The following RXFP1 variants were observed in gnomAD, a reference collection of about 807,000 sequenced individuals.
The protein encoded by RXFP1 is relaxin family peptide receptor 1, also known as relaxin receptor 1.
A neutral mutation model predicts 89.8 loss-of-function variants in RXFP1; 73 were observed. That is an observed-to-expected ratio of 0.81 (90% CI 0.67 to 0.99). RXFP1 has a LOEUF of 0.99. Ranked by LOEUF, RXFP1 falls within the 50% of genes least tolerant of loss-of-function variation. RXFP1 has a pLI of 0.00. For missense variants in RXFP1, 793 were observed against 895.5 expected, an observed-to-expected ratio of 0.89 and a Z score of 1.46; for synonymous variants, 277 against 305.5, an observed-to-expected ratio of 0.91 and a Z score of 0.97.
At chr4:158,548,069 T>G (rs1380305692) in intron 1 of RXFP1, among the ~76,000 whole-genome samples, 1 of 152,194 alleles carries the variant, frequency 6.6e-6, no homozygotes, top group Non-Finnish European at 1.5e-5. Flanking sequence ...CTCCCATTAT[T>G]ATTATGTGGG....
intron 14 of RXFP1, among the ~76,000 whole-genome samples, chr4:158,642,533 A>T (rs1371081604): frequency 1.3e-5 from 2 of 152,192 alleles, no homozygotes; most frequent in African/African-American, 4.8e-5. Context: ...ATATGAGAAC[A>T]TGAGGTGTTT....
intron 1 of RXFP1, among the ~76,000 whole-genome samples, chr4:158,542,083 A>G (rs866388668): frequency 4.8e-3 from 85 of 17,862 alleles, no homozygotes; most frequent in Non-Finnish European, 9.5e-3. Context: ...CCATGGCTAT[A>G]TATATATATA....
chr4:158,633,834 T>C (rs1768586893), intron 12 of RXFP1, among the ~76,000 whole-genome samples: 1 of 152,254 alleles, frequency 6.6e-6, no homozygotes, highest in Non-Finnish European at 1.5e-5. Flanking sequence ...TGTCTTCAAG[T>C]TTCATTTCTG....
intron 1 of RXFP1, among the ~76,000 whole-genome samples, chr4:158,536,712 A>G (rs1019748491): frequency 2.0e-4 from 31 of 152,200 alleles, no homozygotes; most frequent in Non-Finnish European, 8.8e-5. Flanking sequence ...CAGGTCATGG[A>G]AAATTATAGT....
At chr4:158,576,091 A>T (rs1192269226) in intron 2 of RXFP1, among the ~76,000 whole-genome samples, 9 of 152,228 alleles carry the variant, frequency 5.9e-5, no homozygotes, top group Non-Finnish European at 1.3e-4. Context: ...GATATCTGGG[A>T]AAGATCATAA....
At chr4:158,567,990 A>G (rs1167842467) in intron 1 of RXFP1, among the ~76,000 whole-genome samples, 6 of 152,098 alleles carry the variant, frequency 3.9e-5, no homozygotes, top group Non-Finnish European at 4.4e-5. Context: ...GAGATGTAAC[A>G]CTCACCTCTA....
At chr4:158,535,595 C>T (rs1745099067) in intron 1 of RXFP1, among the ~76,000 whole-genome samples, 1 of 152,218 alleles carries the variant, frequency 6.6e-6, no homozygotes, top group Non-Finnish European at 1.5e-5. Context: ...GCACTTGAGT[C>T]ACTGGAAAGA....
intron 2 of RXFP1, among the ~76,000 whole-genome samples, chr4:158,591,982 GC>G (rs1759572187): frequency 6.6e-6 from 1 of 152,188 alleles, no homozygotes; most frequent in Middle Eastern, 3.4e-3. Context: ...CAGAGAAACT[GC>G]TTCTTCATCC....
At chr4:158,549,395 A>G (rs1028857018) in intron 1 of RXFP1, among the ~76,000 whole-genome samples, 2 of 151,880 alleles carry the variant, frequency 1.3e-5, no homozygotes, top group Non-Finnish European at 2.9e-5. Flanking sequence ...CATTGATTTG[A>G]ATTTCCTCCT....
At chr4:158,604,319 C>T (rs1762203116) in intron 4 of RXFP1, among the ~76,000 whole-genome samples, 1 of 152,120 alleles carries the variant, frequency 6.6e-6, no homozygotes, top group African/African-American at 2.4e-5. Context: ...CAAATCCCTC[C>T]TTTCACTGTT....
intron 1 of RXFP1, among the ~76,000 whole-genome samples, chr4:158,559,225 A>C (rs563125859): frequency 6.6e-6 from 1 of 152,288 alleles, no homozygotes; most frequent in South Asian, 2.1e-4. Context: ...AGGATTGCTT[A>C]AGGCCAGGAG....
chr4:158,521,969 A>G lies in RXFP1; in HGVS notation c.-8A>G. Reference sequence around the variant, plus strand: ...ACTTTCATTAATCAGTTGCTCAGATAGAAGGAAATGACATCTGGTTCTGTC... The same window carrying G: ...ACTTTCATTAATCAGTTGCTCAGATGGAAGGAAATGACATCTGGTTCTGTC... On this transcript the variant is annotated 5_prime_UTR_variant, in exon 1 of 18. It adds an upstream start codon to the 5' untranslated region. Coordinates refer to ENST00000307765, the MANE Select transcript of RXFP1 (RefSeq NM_021634.4). 6 of 1,607,698 alleles carry G rather than the reference A, an allele frequency of 3.7e-6. No homozygotes were observed. Among genetic ancestry groups the G allele is most frequent in the Non-Finnish European group, 5.1e-6 (6 of 1,175,660 alleles).
chr4:158,573,637 A>G (rs1755618959), intron 2 of RXFP1, among the ~76,000 whole-genome samples: 1 of 152,176 alleles, frequency 6.6e-6, no homozygotes, highest in Non-Finnish European at 1.5e-5. Flanking sequence ...TGCCCAAGTA[A>G]GGTGTTAGAG....
chr4:158,617,109 T>C (rs1304150838), intron 8 of RXFP1, 22 bp from the exon 9 acceptor site: 1 of 1,557,698 alleles, frequency 6.4e-7, no homozygotes, highest in Non-Finnish European at 8.8e-7. Flanking sequence ...AAATGTGACT[T>C]GTTTGTCTTT....
At chr4:158,555,443 A>T (rs1751064497) in intron 1 of RXFP1, among the ~76,000 whole-genome samples, 2 of 152,350 alleles carry the variant, frequency 1.3e-5, no homozygotes, top group Middle Eastern at 3.4e-3. Flanking sequence ...TCAAAAGCAC[A>T]TTATAAAAAT....
chr4:158,550,150 G>A (rs1384978102), intron 1 of RXFP1, among the ~76,000 whole-genome samples: 1 of 152,218 alleles, frequency 6.6e-6, no homozygotes, highest in Non-Finnish European at 1.5e-5. Context: ...CCTGGGCAAT[G>A]GCAGGAGGCC....
chr4:158,545,493 T>C (rs1205421471), intron 1 of RXFP1, among the ~76,000 whole-genome samples: 1 of 152,076 alleles, frequency 6.6e-6, no homozygotes, highest in Non-Finnish European at 1.5e-5. Flanking sequence ...GTTGCCATTG[T>C]TTTTGGTGTT....
Position 158,521,898 on chromosome 4 carries a change from C to T in RXFP1, c.-79C>T, listed in dbSNP as rs1741255770. The T allele has an allele frequency of 2.3e-6, 2 of 852,364 alleles. No homozygotes were observed. Among genetic ancestry groups the T allele is most frequent in the Non-Finnish European group, 3.9e-6 (2 of 515,022 alleles). The allele number at this position is 852,364 out of a possible 1,614,324, so 52.8% of individuals were successfully genotyped here. A position where few individuals can be genotyped will look rare whatever the true frequency, so the allele number is the denominator to read the frequency against. On this transcript the variant is annotated 5_prime_UTR_variant, in exon 1 of 18. Coordinates refer to ENST00000307765, the MANE Select transcript of RXFP1 (RefSeq NM_021634.4). ...ATTGCAGACAGAAATAGCACACAAC[C>T]ACTGTGAGCTGTATGCGATTCAGAA...
chr4:158,607,413 C>G (rs1326749910), intron 5 of RXFP1, among the ~76,000 whole-genome samples: 1 of 152,100 alleles, frequency 6.6e-6, no homozygotes, highest in Admixed American at 6.5e-5. Context: ...TTAATGAGAT[C>G]AAAATTGATT....
Sources: gnomAD v4.1 joint callset for allele counts (sites outside exome capture counted in the v4.1 genomes callset) on GRCh38, gnomAD v4.1.1 for gene constraint, MANE v1.5 for transcripts, NCBI Gene and HGNC (gene_info 2026-07-23, HGNC 2026-07-21) for gene names.